The following SLIT1 variants were observed in gnomAD, a reference collection of about 807,000 sequenced individuals.
SLIT1 encodes slit homolog 1 protein.
Under a neutral mutation model 186.1 loss-of-function variants are expected in SLIT1, and 66 were observed. The ratio of observed to expected loss-of-function variants is 0.35; its 90% CI spans 0.29 to 0.44. SLIT1 has a LOEUF of 0.44. Ranked by LOEUF, SLIT1 falls within the 20% of genes least tolerant of loss-of-function variation. The pLI, the probability that SLIT1 is intolerant of heterozygous loss-of-function variation, is 1.00. For synonymous variants in SLIT1, 761 were observed against 833.8 expected (o/e 0.91, Z 1.50); for missense variants, 1,638 against 2,037.4 (o/e 0.80, Z 3.77).
chr10:97,020,108 C>G (rs1391698504), intron 26 of SLIT1, among the ~76,000 whole-genome samples: 1 of 151,922 alleles, frequency 6.6e-6, no homozygotes, highest in Non-Finnish European at 1.5e-5. Flanking sequence ...GTAGCTGGGA[C>G]TACAGGCACA....
chr10:97,020,526 G>A (rs1230610770), intron 26 of SLIT1, among the ~76,000 whole-genome samples: 4 of 152,226 alleles, frequency 2.6e-5, no homozygotes, highest in African/African-American at 7.2e-5. Context: ...GAGCCGTTAC[G>A]GCTGTGACAG....
chr10:97,023,872 G>A (rs967507830), intron 25 of SLIT1, among the ~76,000 whole-genome samples: 2 of 152,104 alleles, frequency 1.3e-5, no homozygotes, highest in African/African-American at 4.8e-5. Flanking sequence ...AACCCGGGAG[G>A]GGGAGGTTGC....
At chr10:97,025,892 T>C (rs1564656322) in intron 25 of SLIT1, among the ~76,000 whole-genome samples, 1 of 152,214 alleles carries the variant, frequency 6.6e-6, no homozygotes, top group Non-Finnish European at 1.5e-5. Context: ...TGCGCATCAC[T>C]GTCTCCTGCT....
At chr10:97,017,661 A>G (rs1444250930) in intron 28 of SLIT1, among the ~76,000 whole-genome samples, 1 of 152,090 alleles carries the variant, frequency 6.6e-6, no homozygotes, top group Non-Finnish European at 1.5e-5. Flanking sequence ...ACCCCAGAGA[A>G]AGCAAACAGG....
At chr10:97,158,326 T>C (rs1849978402) in intron 3 of SLIT1, among the ~76,000 whole-genome samples, 1 of 147,590 alleles carries the variant, frequency 6.8e-6, no homozygotes, top group Non-Finnish European at 1.5e-5. Flanking sequence ...TCAACAGAGG[T>C]TTCACTTTTT....
rs183338526 is a variant in SLIT1 at position 97,171,202 on chromosome 10, C to T, written c.198-6312G>A. Among the ~76,000 whole-genome samples, 446 of 152,244 alleles carry T rather than the reference C, an allele frequency of 2.9e-3. 2 individuals carry two copies. Among genetic ancestry groups the T allele is most frequent in the African/African-American group, 9.5e-3 (396 of 41,526 alleles). ...AGTGTGCAGAGTCAGACGGGGAAAA[C>T]GGAGGAAAGAAAGAACTTCTCTCCC... On this transcript the variant is annotated intron_variant, in intron 1 of 36. Coordinates refer to ENST00000266058, the MANE Select transcript of SLIT1 (RefSeq NM_003061.3).
intron 20 of SLIT1, among the ~76,000 whole-genome samples, chr10:97,041,298 C>T (rs1848688445): frequency 6.6e-6 from 1 of 152,192 alleles, no homozygotes; most frequent in African/African-American, 2.4e-5. Context: ...TGGAGCCTTC[C>T]AGATAGCGGT....
intron 4 of SLIT1, among the ~76,000 whole-genome samples, chr10:97,152,583 G>T (rs1029731801): frequency 1.3e-5 from 2 of 152,190 alleles, no homozygotes; most frequent in African/African-American, 2.4e-5. Context: ...GAGCAAACAG[G>T]CTCGGTTAAA....
chr10:97,012,005 C>G (rs1848415002), intron 30 of SLIT1, among the ~76,000 whole-genome samples: 1 of 151,594 alleles, frequency 6.6e-6, no homozygotes, highest in Non-Finnish European at 1.5e-5. Context: ...GATGGGTGCT[C>G]TTGCCTGGGA....
intron 4 of SLIT1, among the ~76,000 whole-genome samples, chr10:97,080,594 C>G (rs557812156): frequency 6.6e-6 from 1 of 152,368 alleles, no homozygotes; most frequent in African/African-American, 2.4e-5. Flanking sequence ...AGACTCCAAG[C>G]TCCACCATTC....
chr10:97,066,031 T>A lies in SLIT1; in HGVS notation c.469A>T (p.Thr157Ser). ...TGTACTCACAAATTTTTAAGGTCCG[T>A]AGCTCCCCGAAAAGCTTTCCTGGGG... is the stretch of plus-strand genomic sequence containing the variant. ...AIPRKAFRGA[T>S]DLKNLQLDKN... Residue 157 changes from threonine to serine, a missense_variant, in exon 5 of 37, where the codon ACG (threonine) becomes TCG (serine). Thr to Ser is a moderately conservative substitution (Grantham distance 58). Coordinates refer to ENST00000266058, the MANE Select transcript of SLIT1 (RefSeq NM_003061.3). 1 of 1,604,900 alleles carries A rather than the reference T, an allele frequency of 6.2e-7. No homozygotes were observed. Among genetic ancestry groups the A allele is most frequent in the Non-Finnish European group, 8.5e-7 (1 of 1,174,894 alleles).
intron 3 of SLIT1, among the ~76,000 whole-genome samples, chr10:97,161,887 T>C (rs1850032446): frequency 6.6e-6 from 1 of 152,246 alleles, no homozygotes; most frequent in African/African-American, 2.4e-5. Flanking sequence ...GACAAGTGAC[T>C]TAATCTCTGT....
chr10:97,023,238 T>C (rs35014918), intron 25 of SLIT1, among the ~76,000 whole-genome samples: 1 of 147,118 alleles, frequency 6.8e-6, no homozygotes, highest in Non-Finnish European at 1.5e-5. Flanking sequence ...TTTTTTTTTG[T>C]ATTTTTAGTA....
At chr10:97,094,724 T>A (rs1425993300) in intron 4 of SLIT1, among the ~76,000 whole-genome samples, 1 of 152,182 alleles carries the variant, frequency 6.6e-6, no homozygotes, top group Non-Finnish European at 1.5e-5. Flanking sequence ...CAGAGTCTAG[T>A]AAGAAGTCGG....
At chr10:97,044,568 T>A (rs2805587) in intron 18 of SLIT1, among the ~76,000 whole-genome samples, 1 of 152,162 alleles carries the variant, frequency 6.6e-6, no homozygotes. Context: ...AAGACACTTA[T>A]GCAATATTGA....
chr10:97,104,131 G>T (rs1277608656), intron 4 of SLIT1, among the ~76,000 whole-genome samples: 1 of 152,070 alleles, frequency 6.6e-6, no homozygotes, highest in African/African-American at 2.4e-5. Flanking sequence ...GGGGTGCCGA[G>T]TGGGAGTTAC....
At chr10:97,154,572 C>T (rs1363350878) in intron 4 of SLIT1, 1 of 152,206 alleles carries the variant, frequency 6.6e-6, no homozygotes, top group African/African-American at 2.4e-5. Context: ...GAAGTTCTGG[C>T]TCTAGAGCCT....
intron 4 of SLIT1, among the ~76,000 whole-genome samples, chr10:97,119,913 G>GTATATATATATATATATATATATATA (rs55656011): frequency 3.5e-5 from 2 of 56,510 alleles, no homozygotes; most frequent in African/African-American, 5.3e-5. Context: ...TTCCAAAGGG[G>GTATATATATATATATATATATATATA]TATATATATA....
chr10:97,013,980 C>T (rs1848432431), intron 29 of SLIT1, 39 bp downstream of exon 29: 1 of 1,605,256 alleles, frequency 6.2e-7, no homozygotes, highest in African/African-American at 1.3e-5. Flanking sequence ...TGTCTCTGTT[C>T]CCCACCTCCC....
Sources: allele counts gnomAD v4.1 joint callset (sites outside exome capture counted in the v4.1 genomes callset), GRCh38; gene constraint gnomAD v4.1.1; transcripts MANE v1.5; gene names NCBI Gene and HGNC (gene_info 2026-07-23, HGNC 2026-07-21).